DNAJC15: variants seen among roughly 807,000 people sequenced by gnomAD.
The protein encoded by DNAJC15 is dnaJ homolog subfamily C member 15.
Under a neutral mutation model 22.4 loss-of-function variants are expected in DNAJC15, and 27 were observed. The ratio of observed to expected loss-of-function variants is 1.20; its 90% CI spans 0.89 to 1.66. DNAJC15 has a LOEUF of 1.66. Among genes scored for constraint, DNAJC15 ranks in the 40% most tolerant of loss-of-function variants. The pLI, the probability that DNAJC15 is intolerant of heterozygous loss-of-function variation, is 0.00. For missense variants in DNAJC15, 208 were observed against 187.1 expected, an observed-to-expected ratio of 1.11 and a Z score of -0.65; for synonymous variants, 79 against 63.2, an observed-to-expected ratio of 1.25 and a Z score of -1.19.
chr13:43,093,084 A>C (rs1221284686), intron 5 of DNAJC15, among the ~76,000 whole-genome samples: 1 of 152,136 alleles, frequency 6.6e-6, no homozygotes, highest in Non-Finnish European at 1.5e-5. Flanking sequence ...TTTCCTCTTA[A>C]ACTATCTATT....
chr13:43,050,463 CT>C (rs771227178), intron 1 of DNAJC15, among the ~76,000 whole-genome samples: 3 of 151,890 alleles, frequency 2.0e-5, no homozygotes, highest in African/African-American at 2.4e-5. Context: ...ACCCAACTAA[CT>C]TTTCTTTAGT....
intron 1 of DNAJC15, among the ~76,000 whole-genome samples, chr13:43,057,504 G>A (rs191721023): frequency 2.6e-5 from 4 of 152,032 alleles, no homozygotes; most frequent in Admixed American, 2.0e-4. Context: ...TCCATATACT[G>A]TATTATATTT....
At chr13:43,069,507 T>C (rs17624948) in intron 3 of DNAJC15, among the ~76,000 whole-genome samples, 20,841 of 152,216 alleles carry the variant, frequency 0.14, 1,939 homozygotes, top group Non-Finnish European at 0.21. Flanking sequence ...GTAGAACTTA[T>C]TATACATTTT....
intron 3 of DNAJC15, among the ~76,000 whole-genome samples, chr13:43,069,808 GTTTA>G (rs1435945838): frequency 6.6e-6 from 1 of 152,076 alleles, no homozygotes; most frequent in African/African-American, 2.4e-5. Context: ...CTCACTAAAT[GTTTA>G]TTAAATAAAT....
intron 1 of DNAJC15, among the ~76,000 whole-genome samples, chr13:43,059,148 GT>G (rs900910740): frequency 6.8e-6 from 1 of 146,932 alleles, no homozygotes; most frequent in Non-Finnish European, 1.5e-5. Flanking sequence ...CCTCTCCACC[GT>G]TTTTTTCTTT....
At chr13:43,065,976 A>G (rs59383575) in intron 2 of DNAJC15, among the ~76,000 whole-genome samples, 2,216 of 152,322 alleles carry the variant, frequency 0.015, 56 homozygotes, top group African/African-American at 0.048. Flanking sequence ...ATAATAGTTT[A>G]TTCCTGGCAT....
intron 4 of DNAJC15, among the ~76,000 whole-genome samples, chr13:43,081,486 T>G (rs1209252082): frequency 6.6e-6 from 1 of 151,936 alleles, no homozygotes; most frequent in East Asian, 1.9e-4. Context: ...TTGCCCAGGC[T>G]GGAGTACAGT....
intron 5 of DNAJC15, among the ~76,000 whole-genome samples, chr13:43,103,928 T>A (rs577765196): frequency 6.6e-6 from 1 of 152,372 alleles, no homozygotes; most frequent in South Asian, 2.1e-4. Flanking sequence ...ATGTACTTTA[T>A]CTAATAATTA....
chr13:43,069,178 G>A (rs745546046), intron 3 of DNAJC15, among the ~76,000 whole-genome samples, 175 bp downstream of exon 3: 79 of 152,074 alleles, frequency 5.2e-4, no homozygotes, highest in Admixed American at 2.2e-3. Context: ...TAAGTTATTG[G>A]TCACATTATT....
intron 1 of DNAJC15, among the ~76,000 whole-genome samples, chr13:43,027,162 A>G (rs558277469): frequency 3.2e-4 from 48 of 152,366 alleles, no homozygotes; most frequent in African/African-American, 1.2e-3. Context: ...AGCAGTTTGA[A>G]CAAAACTCAG....
rs899772980 is a variant in DNAJC15 at position 43,051,661 on chromosome 13, G to GTGTGTGTGTGTGTGTGTA, written c.109-14024_109-14023insGTGTGTGTGTGTGTGTAT. ...TGTGTGTGTGTGTGTGTGTGTGTGT[G>GTGTGTGTGTGTGTGTGTA]TATATATATCACATTTTCTTTATCC... On this transcript the variant is annotated intron_variant, in intron 1 of 5. Coordinates refer to ENST00000379221, the MANE Select transcript of DNAJC15 (RefSeq NM_013238.3). Among the ~76,000 whole-genome samples, 18 of 78,108 alleles carry GTGTGTGTGTGTGTGTGTA rather than the reference G, an allele frequency of 2.3e-4. No homozygotes were observed. The East Asian group carries it at 6.3e-3, about 27-fold the overall frequency. 51.2% of individuals were successfully genotyped at this position (78,108 alleles called of 152,430 possible). A position where few individuals can be genotyped will look rare whatever the true frequency, so the allele number is the denominator to read the frequency against.
chr13:43,065,816 C>G lies in DNAJC15; in HGVS notation c.160+79C>G, dbSNP rs909017567. 52 of 1,298,056 alleles carry G rather than the reference C, an allele frequency of 4.0e-5. No homozygotes were observed. In the South Asian group the frequency reaches 6.4e-4, roughly 16 times the overall value. 80.4% of individuals were successfully genotyped at this position (1,298,056 alleles called of 1,614,324 possible). On this transcript the variant is annotated intron_variant, in intron 2 of 5. Transcript: ENST00000379221. Reference sequence around the variant, plus strand: ...ATCTACAGTGATTCATGAGTAGACCCTTAGTATTCTGAGGTTTTGGTTTTC... The same window carrying G: ...ATCTACAGTGATTCATGAGTAGACCGTTAGTATTCTGAGGTTTTGGTTTTC...
intron 5 of DNAJC15, among the ~76,000 whole-genome samples, chr13:43,093,642 TGGACTCAA>T (rs1206676847): frequency 6.6e-6 from 1 of 152,202 alleles, no homozygotes; most frequent in Non-Finnish European, 1.5e-5. Flanking sequence ...CCCTAACTCC[TGGACTCAA>T]GCCGTCCTGC....
At chr13:43,045,494 G>A (rs2040472947) in intron 1 of DNAJC15, among the ~76,000 whole-genome samples, 1 of 152,192 alleles carries the variant, frequency 6.6e-6, no homozygotes, top group Non-Finnish European at 1.5e-5. Context: ...GATTGATTGA[G>A]CAATCTAGGG....
intron 3 of DNAJC15, among the ~76,000 whole-genome samples, chr13:43,070,767 G>GA (rs1005764785): frequency 2.0e-5 from 3 of 151,906 alleles, no homozygotes; most frequent in Non-Finnish European, 4.4e-5. Context: ...AATAGACAAT[G>GA]AAAAAAAACT....
intron 1 of DNAJC15, among the ~76,000 whole-genome samples, chr13:43,030,488 A>G (rs557613373): frequency 8.1e-4 from 124 of 152,348 alleles, no homozygotes; most frequent in Middle Eastern, 3.4e-3. Flanking sequence ...GTGGCTATTT[A>G]TGAAAACAGT....
At chr13:43,076,848 G>C (rs186132833) in intron 3 of DNAJC15, among the ~76,000 whole-genome samples, 42 of 152,252 alleles carry the variant, frequency 2.8e-4, no homozygotes, top group Admixed American at 1.6e-3. Flanking sequence ...AAATCCAGAG[G>C]TCAGTTTGTG....
chr13:43,070,817 G>C (rs1451368433), intron 3 of DNAJC15, among the ~76,000 whole-genome samples: 4 of 152,244 alleles, frequency 2.6e-5, no homozygotes, highest in Admixed American at 6.5e-5. Context: ...CCCTTGGAAG[G>C]GTTTGAGCAT....
At chr13:43,083,436 G>T (rs2040673157) in intron 4 of DNAJC15, among the ~76,000 whole-genome samples, 1 of 152,052 alleles carries the variant, frequency 6.6e-6, no homozygotes, top group Non-Finnish European at 1.5e-5. Context: ...CAAAGTGCTG[G>T]GATTACAGGC....
Sources: allele counts gnomAD v4.1 joint callset (sites outside exome capture counted in the v4.1 genomes callset), GRCh38; gene constraint gnomAD v4.1.1; transcripts MANE v1.5; gene names NCBI Gene and HGNC (gene_info 2026-07-23, HGNC 2026-07-21).